The following ATP2A3 variants were observed in gnomAD, a reference collection of about 807,000 sequenced individuals.
ATP2A3 encodes sarcoplasmic/endoplasmic reticulum calcium ATPase 3.
A neutral mutation model predicts 106.8 loss-of-function variants in ATP2A3; 61 were observed. The observed-to-expected ratio is 0.57, with a 90% CI of 0.46 to 0.71. ATP2A3 has a LOEUF of 0.71. Among genes scored for constraint, ATP2A3 ranks in the 30% least tolerant of loss-of-function variants. ATP2A3 has a pLI of 0.00. For missense variants in ATP2A3, 1,201 were observed against 1,423.5 expected (o/e 0.84, Z 2.52); for synonymous variants, 611 against 609.3 (o/e 1.00, Z -0.04).
rs763992723 is a variant in ATP2A3 at position 3,947,861 on chromosome 17, C to G, written c.631-6G>C. 1 of 1,598,406 alleles carries G rather than the reference C, an allele frequency of 6.3e-7. No homozygotes were observed. Among genetic ancestry groups the G allele is most frequent in the Admixed American group, 1.7e-5 (1 of 60,018 alleles). ...CCCGATGTGATATTGGTGCCCTGGC[C>G]AGGGGAGGGACAAGGAAAAAGCTGC... On this transcript the variant is annotated splice_polypyrimidine_tract_variant and splice_region_variant and intron_variant, in intron 7 of 20. Coordinates refer to ENST00000397041, the MANE Select transcript of ATP2A3 (RefSeq NM_005173.4). This position sits in a 1 kb window ranked among gnomAD's most constrained non-coding sequence, Gnocchi z 7.7.
chr17:3,935,382 T>C, intron 16 of ATP2A3, 105 bp from the exon 17 acceptor site: 1 of 1,101,460 alleles, frequency 9.1e-7, no homozygotes, highest in East Asian at 2.5e-5. Context: ...AGCCACCCTT[T>C]TCCTCTCTCA....
Position 3,951,600 on chromosome 17 carries a change from G to T in ATP2A3, c.305C>A (p.Ala102Asp). The part of the protein sequence containing the change: ...LVIMLILVAN[A>D]IVGVWQERNA... ...TCCCACCTGCCACACGCCCACAATG[G>T]CGTTGGCCACGAGGATCAGCATGAT... Residue 102 changes from alanine (A) to aspartate (D), a missense_variant, in exon 4 of 21, where the codon GCC becomes GAC. Physicochemically the swap from Ala to Asp is moderately radical, Grantham distance 126. Transcript: ENST00000397041. The T allele has an allele frequency of 6.5e-7, 1 of 1,549,150 alleles. No homozygotes were observed. The highest frequency in any genetic ancestry group is 8.8e-7 in the Non-Finnish European group (1 of 1,139,304).
rs562724173 is a variant in ATP2A3, at chr17:3,949,677, A to G, written c.630+834T>C. 2.0e-5 allele frequency among the ~76,000 whole-genome samples: 3 copies of G among 152,330 alleles called. No individual in the cohort carries two copies. In the South Asian group the frequency reaches 6.2e-4, roughly 32 times the overall value. On this transcript the variant is annotated intron_variant, in intron 7 of 20. Transcript: ENST00000397041. Reference sequence around the variant, plus strand: ...TTTCTTTCCTTGCTGGAAAATATAGATAACAAGCATAACAAGAGTACTTAT... The same window carrying G: ...TTTCTTTCCTTGCTGGAAAATATAGGTAACAAGCATAACAAGAGTACTTAT...
chr17:3,927,456 A>G (rs2052769703), intron 20 of ATP2A3: 1 of 984,232 alleles, frequency 1.0e-6, no homozygotes, highest in East Asian at 1.1e-4. Flanking sequence ...GTGGTCAAGG[A>G]CGGCCCAGAG....
chr17:3,931,447 A>G (rs2053078611), intron 17 of ATP2A3, among the ~76,000 whole-genome samples: 1 of 151,774 alleles, frequency 6.6e-6, no homozygotes, highest in Non-Finnish European at 1.5e-5. Context: ...AATGTTTCCA[A>G]CCGTTAACCA....
At chr17:3,959,804 C>T (rs2055039440) in intron 1 of ATP2A3, among the ~76,000 whole-genome samples, 1 of 152,246 alleles carries the variant, frequency 6.6e-6, no homozygotes. Flanking sequence ...ACTGCGGGGC[C>T]TTGGAAGTAG....
At position 3,941,316 on chromosome 17, in the gene ATP2A3, G is replaced by A; in HGVS notation, c.1765-10C>T. 2 of 1,613,826 alleles carry A rather than the reference G, an allele frequency of 1.2e-6. No homozygotes were observed. Among genetic ancestry groups the A allele is most frequent in the Non-Finnish European group, 1.7e-6 (2 of 1,179,992 alleles). ...CGAAGGTCAGGTCCGTCTGTAGGGA[G>A]GGGGCAGATTCAAGCGGGGCCTGAG... is the stretch of plus-strand genomic sequence containing the variant. On this transcript the variant is annotated splice_polypyrimidine_tract_variant and intron_variant, in intron 13 of 20. Coordinates refer to ENST00000397041, the MANE Select transcript of ATP2A3 (RefSeq NM_005173.4).
chr17:3,949,419 C>T (rs1281658848), intron 7 of ATP2A3, among the ~76,000 whole-genome samples: 1 of 152,226 alleles, frequency 6.6e-6, no homozygotes, highest in East Asian at 1.9e-4. Flanking sequence ...GGGCATCATG[C>T]CTTGTGGGTC....
In ATP2A3 at chr17:3,947,263, C is replaced by G; in HGVS notation, c.1095+128G>C. On this transcript the variant is annotated intron_variant, in intron 8 of 20. Coordinates refer to ENST00000397041, the MANE Select transcript of ATP2A3 (RefSeq NM_005173.4). The surrounding 1 kb of genome is among the most constrained non-coding windows in gnomAD (Gnocchi z 7.7). ...CATCTTGTGAAAACCTGGACCTGCT[C>G]TGGGCCAAGGGACAGCCCACAGATT... 1 of 1,185,508 alleles carries G rather than the reference C, an allele frequency of 8.4e-7. No homozygotes were observed. Among genetic ancestry groups the G allele is most frequent in the East Asian group, 2.5e-5 (1 of 39,652 alleles). The allele number at this position is 1,185,508 out of a possible 1,614,324, so 73.4% of individuals were successfully genotyped here.
In ATP2A3 at chr17:3,925,475, A is replaced by G. The variant is rs368844034; in HGVS notation, c.2981-34T>C. 30 of 1,604,768 alleles carry G rather than the reference A, an allele frequency of 1.9e-5. No homozygotes were observed. The highest frequency in any genetic ancestry group is 2.4e-5 in the Non-Finnish European group (28 of 1,176,334). ...AAAACCCAAGAGCGCGTTAAGATGT[A>G]TGTGTAAGGGCACACATCCAGACAG... On this transcript the variant is annotated intron_variant, in intron 20 of 20. Transcript: ENST00000397041. This position sits in a 1 kb window ranked among gnomAD's most constrained non-coding sequence, Gnocchi z 4.2.
chr17:3,928,719 A>C lies in ATP2A3; in HGVS notation c.2924T>G (p.Leu975Arg), dbSNP rs1251392317. ...RQWVVVLQIS[L>R]PVILLDEALK... The stretch of plus-strand genomic sequence containing the variant: ...GGCCTCATCCAGCAGGATGACAGGC[A>C]GAGATATCTGGAGCACCACCACCCA... Residue 975 changes from leucine (L) to arginine (R), a missense_variant, in exon 20 of 21, where the codon CTG becomes CGG. Coordinates refer to ENST00000397041, the MANE Select transcript of ATP2A3 (RefSeq NM_005173.4). This position sits in a 1 kb window ranked among gnomAD's most constrained non-coding sequence, Gnocchi z 6.1. 2 of 1,551,610 alleles carry C rather than the reference A, an allele frequency of 1.3e-6. No individual in the cohort carries two copies. The highest frequency in any genetic ancestry group is 1.7e-6 in the Non-Finnish European group (2 of 1,147,248).
chr17:3,950,404 TC>T, intron 7 of ATP2A3, 106 bp downstream of exon 7: 1 of 1,183,758 alleles, frequency 8.4e-7, no homozygotes, highest in Non-Finnish European at 1.2e-6. Context: ...CCTCAGGTGA[TC>T]CACCCACCTC....
chr17:3,954,274 G>C (rs755975802), intron 1 of ATP2A3, among the ~76,000 whole-genome samples: 4 of 151,992 alleles, frequency 2.6e-5, no homozygotes, highest in Admixed American at 2.0e-4. Flanking sequence ...GGGCCGGCCT[G>C]CTGGGCCCCA....
rs2053906488 is a variant in ATP2A3 at position 3,943,517 on chromosome 17, C to G, written c.1293G>C (p.Lys431Asn). The change falls in exon 11 of 21, where the codon AAG (lysine) becomes AAC (asparagine). Residue 431 changes from lysine (K) to asparagine (N), a missense_variant. Around this residue, in one of 2 missense-constraint regions of ATP2A3, gnomAD observed 935 missense variants for 1,176.7 expected, o/e 0.79. Coordinates refer to ENST00000397041, the MANE Select transcript of ATP2A3 (RefSeq NM_005173.4). ...CCTCTCCCACCTTCTCATACACACC[C>G]TTGGCCTGGCAAGGACCCAGGGGAT... The part of the protein sequence containing the change: ...NDSALDYNEA[K>N]GVYEKVGEAT... 1 of 1,613,964 alleles carries G rather than the reference C, an allele frequency of 6.2e-7. No homozygotes were observed. The highest frequency in any genetic ancestry group is 1.3e-5 in the African/African-American group (1 of 74,934).
At position 3,958,843 on chromosome 17, in the gene ATP2A3, T is replaced by C. The variant is rs201017102; in HGVS notation, c.119-5133A>G. ...ACACACATATATATACACACACACA[T>C]ATATAAATATATATATATATATATA... On this transcript the variant is annotated intron_variant, in intron 1 of 20. Coordinates refer to ENST00000397041, the MANE Select transcript of ATP2A3 (RefSeq NM_005173.4). 4.6e-3 allele frequency among the ~76,000 whole-genome samples: 308 copies of C among 67,660 alleles called. 4 individuals are homozygous for C. The highest frequency in any genetic ancestry group is 0.01 in the African/African-American group (122 of 12,098). 44.4% of individuals were successfully genotyped at this position (67,660 alleles called of 152,430 possible).
intron 1 of ATP2A3, among the ~76,000 whole-genome samples, chr17:3,957,131 C>A (rs573717038): frequency 6.6e-6 from 1 of 152,262 alleles, no homozygotes; most frequent in South Asian, 2.1e-4. Flanking sequence ...ATAGCAGCAG[C>A]AGCTGGTGGT....
In ATP2A3 at chr17:3,955,069, G is replaced by C. The variant is rs2144701647; in HGVS notation, c.119-1359C>G. Among the ~76,000 whole-genome samples, 1 of 152,308 alleles carries C rather than the reference G, an allele frequency of 6.6e-6. No individual in the cohort carries two copies. The highest frequency in any genetic ancestry group is 2.1e-4 in the South Asian group (1 of 4,830). ...GCTTGGAGAAGCTCCCCCTTCCCAG[G>C]CCGCAGTCTAACTGAGCCCTGCCTC... On this transcript the variant is annotated intron_variant, in intron 1 of 20. Coordinates refer to ENST00000397041, the MANE Select transcript of ATP2A3 (RefSeq NM_005173.4). This position sits in a 1 kb window ranked among gnomAD's most constrained non-coding sequence, Gnocchi z 4.2.
At chr17:3,931,582 C>T (rs574998839) in intron 17 of ATP2A3, among the ~76,000 whole-genome samples, 1 of 150,712 alleles carries the variant, frequency 6.6e-6, no homozygotes. Flanking sequence ...AGTGCAGTGG[C>T]ATGATCTCGG....
At chr17:3,940,810 GA>G (rs1213785530) in intron 14 of ATP2A3, among the ~76,000 whole-genome samples, 160 bp downstream of exon 14, 2 of 152,146 alleles carry the variant, frequency 1.3e-5, no homozygotes, top group African/African-American at 4.8e-5. Flanking sequence ...GCCTGGCCCA[GA>G]ATAACATTAT....
Sources: gnomAD v4.1 joint callset for allele counts (sites outside exome capture counted in the v4.1 genomes callset) on GRCh38, gnomAD v4.1.1 for gene constraint, gnomAD v4.1.1 regional missense constraint, Gnocchi (gnomAD v3.1) non-coding constraint, MANE v1.5 for transcripts, NCBI Gene and HGNC (gene_info 2026-07-23, HGNC 2026-07-21) for gene names.